OSBPL6: variants seen among roughly 807,000 people sequenced by gnomAD.
OSBPL6 encodes the protein oxysterol-binding protein-related protein 6.
OSBPL6 carries 49 observed loss-of-function variants against 125.8 expected under a neutral mutation model. The ratio of observed to expected loss-of-function variants is 0.39; its 90% CI spans 0.31 to 0.49. OSBPL6 has a LOEUF of 0.49. Ranked by LOEUF, OSBPL6 falls within the 20% of genes least tolerant of loss-of-function variation. The pLI is 0.88. For missense variants in OSBPL6, 986 were observed against 1,135.4 expected, an observed-to-expected ratio of 0.87 and a Z score of 1.89; for synonymous variants, 394 against 391.8, an observed-to-expected ratio of 1.01 and a Z score of -0.07.
intron 9 of OSBPL6, among the ~76,000 whole-genome samples, chr2:178,338,166 C>G (rs954935400): frequency 1.3e-5 from 2 of 152,088 alleles, no homozygotes; most frequent in African/African-American, 4.8e-5. Flanking sequence ...CTCCTGACCT[C>G]AGGTCATCCT....
At chr2:178,217,893 A>G (rs575192049) in intron 1 of OSBPL6, among the ~76,000 whole-genome samples, 26 of 152,188 alleles carry the variant, frequency 1.7e-4, no homozygotes, top group Admixed American at 3.3e-4. Flanking sequence ...AAAGGAAAAT[A>G]ATTTGGGGCT....
chr2:178,383,329 C>A (rs764424035), intron 17 of OSBPL6, 52 bp downstream of exon 17: 38 of 1,580,766 alleles, frequency 2.4e-5, no homozygotes, highest in Admixed American at 5.4e-5. Flanking sequence ...CAACCCTAGA[C>A]CTGGGCTAAG....
In OSBPL6 at chr2:178,349,303, C is replaced by T. The variant is rs763334246; in HGVS notation, c.1067C>T (p.Thr356Ile). 3 of 1,614,120 alleles carry T rather than the reference C, an allele frequency of 1.9e-6. No individual in the cohort carries two copies. The highest frequency in any genetic ancestry group is 1.1e-5 in the South Asian group (1 of 91,082). Residue 356 changes from threonine (T) to isoleucine (I), a missense_variant, in exon 12 of 25, where the codon ACT becomes ATT. Physicochemically the swap from Thr to Ile is moderately conservative, Grantham distance 89. Coordinates refer to ENST00000190611, the MANE Select transcript of OSBPL6 (RefSeq NM_032523.4). The part of the protein sequence containing the change: ...PNLCADIEFQ[T>I]PPSHLTDPLE... Reference sequence around the variant, plus strand: ...CTTTGTGCAGATATTGAATTTCAGACTCCCCCTAGCCACCTCACTGACCCT... The same window carrying T: ...CTTTGTGCAGATATTGAATTTCAGATTCCCCCTAGCCACCTCACTGACCCT...
At chr2:178,288,285 A>G (rs4894006) in intron 2 of OSBPL6, among the ~76,000 whole-genome samples, 19,511 of 152,184 alleles carry the variant, frequency 0.13, 1,439 homozygotes, top group Admixed American at 0.21. Context: ...GCAGGCCAGT[A>G]GCCACCTCCT....
chr2:178,301,472 G>A (rs978063868), intron 2 of OSBPL6, among the ~76,000 whole-genome samples: 7 of 152,148 alleles, frequency 4.6e-5, no homozygotes, highest in Non-Finnish European at 8.8e-5. Flanking sequence ...AAACCATACT[G>A]CAGATAGTGT....
At chr2:178,226,064 T>C (rs1327995409) in intron 1 of OSBPL6, among the ~76,000 whole-genome samples, 2 of 152,178 alleles carry the variant, frequency 1.3e-5, no homozygotes, top group Non-Finnish European at 2.9e-5. Context: ...ATACCTTTTC[T>C]GGGCCATAAG....
At chr2:178,239,437 G>A (rs2091196098) in intron 1 of OSBPL6, among the ~76,000 whole-genome samples, 1 of 151,964 alleles carries the variant, frequency 6.6e-6, no homozygotes, top group African/African-American at 2.4e-5. Context: ...GCACATGCCT[G>A]CAGTCCCAGC....
intron 11 of OSBPL6, 67 bp downstream of exon 11, chr2:178,339,831 A>G: frequency 8.6e-7 from 1 of 1,163,094 alleles, no homozygotes; most frequent in South Asian, 1.8e-5. Flanking sequence ...TTTATACATC[A>G]GTTTATGGGC....
intron 1 of OSBPL6, among the ~76,000 whole-genome samples, chr2:178,267,325 G>C (rs2092262166): frequency 1.5e-5 from 2 of 133,636 alleles, no homozygotes; most frequent in African/African-American, 2.9e-5. Context: ...CTGCACTCCA[G>C]CCTGGGTGAC....
intron 13 of OSBPL6, among the ~76,000 whole-genome samples, chr2:178,371,001 A>G (rs1335324218): frequency 6.6e-6 from 1 of 152,226 alleles, no homozygotes. Flanking sequence ...TAATAGGTAC[A>G]GAGTTGTAAT....
At position 178,383,066 on chromosome 2, in the gene OSBPL6, G is replaced by A. The variant is rs370636856; in HGVS notation, c.1664G>A (p.Arg555His). The A allele has an allele frequency of 5.9e-5, 95 of 1,614,042 alleles. 1 individual carries two copies. The highest frequency in any genetic ancestry group is 1.2e-4 in the South Asian group (11 of 91,092). ...ACAGGAGGGGCCTTCCGAAATGGGC[G>A]TCGAGCATGCCTGCCAGCTCCTTGT... ...ELTGGAFRNG[R>H]RACLPAPCPD... is the part of the protein sequence containing the mutation. The change falls in exon 17 of 25, where the codon CGT (arginine) becomes CAT (histidine). Residue 555 changes from arginine (R) to histidine (H), a missense_variant. Arg to His is a conservative substitution (Grantham distance 29). This residue lies in a region of OSBPL6 where 843 missense variants were observed against 997.3 expected (regional missense o/e 0.85). Coordinates refer to ENST00000190611, the MANE Select transcript of OSBPL6 (RefSeq NM_032523.4).
At chr2:178,344,096 A>G (rs1690473435) in intron 11 of OSBPL6, among the ~76,000 whole-genome samples, 1 of 152,210 alleles carries the variant, frequency 6.6e-6, no homozygotes, top group South Asian at 2.1e-4. Context: ...CAGATGTTTG[A>G]GTAATGAGAA....
chr2:178,329,670 C>T lies in OSBPL6; in HGVS notation c.318+1292C>T, dbSNP rs192477499. ...TCAAACTCCTGACCTCATGATCTGC[C>T]TGCCTCGGCCTCCCAAAGTGCTGGG... On this transcript the variant is annotated intron_variant, in intron 5 of 24. Transcript: ENST00000190611. Among the ~76,000 whole-genome samples, 778 of 152,268 alleles carry T rather than the reference C, an allele frequency of 5.1e-3. 7 individuals are homozygous for T. Among genetic ancestry groups the T allele is most frequent in the African/African-American group, 0.018 (736 of 41,544 alleles).
At chr2:178,303,032 A>G (rs1686439549) in intron 2 of OSBPL6, among the ~76,000 whole-genome samples, 1 of 152,212 alleles carries the variant, frequency 6.6e-6, no homozygotes, top group Non-Finnish European at 1.5e-5. Flanking sequence ...CAAGGATCCG[A>G]GCAGTGTCTG....
chr2:178,315,242 C>T (rs1198057081), intron 3 of OSBPL6, among the ~76,000 whole-genome samples: 2 of 152,178 alleles, frequency 1.3e-5, no homozygotes, highest in East Asian at 3.9e-4. Flanking sequence ...CCACAGCTTT[C>T]TTGGCATCGC....
intron 1 of OSBPL6, among the ~76,000 whole-genome samples, chr2:178,225,238 C>T (rs1252136493): frequency 7.0e-6 from 1 of 142,110 alleles, no homozygotes; most frequent in Non-Finnish European, 1.5e-5. Context: ...GTGCCCATTA[C>T]TTTAAAAAAA....
At chr2:178,346,095 A>G (rs531015704) in intron 11 of OSBPL6, among the ~76,000 whole-genome samples, 1 of 152,344 alleles carries the variant, frequency 6.6e-6, no homozygotes, top group East Asian at 1.9e-4. Context: ...CTTTGTCTCC[A>G]TACCAAAATG....
intron 15 of OSBPL6, among the ~76,000 whole-genome samples, chr2:178,380,531 T>C (rs537999389): frequency 2.7e-5 from 4 of 146,476 alleles, no homozygotes; most frequent in African/African-American, 5.1e-5. Context: ...AGATGGATAG[T>C]GTAAAGTGTT....
chr2:178,363,787 TTTTTTA>T (rs1692568053), intron 13 of OSBPL6, among the ~76,000 whole-genome samples: 2 of 152,366 alleles, frequency 1.3e-5, no homozygotes, highest in South Asian at 2.1e-4. Flanking sequence ...TTTTGTTGGA[TTTTTTA>T]TTTTTATTTT....
Sources: allele counts gnomAD v4.1 joint callset (sites outside exome capture counted in the v4.1 genomes callset), GRCh38; gene constraint gnomAD v4.1.1; regional missense constraint gnomAD v4.1.1; transcripts MANE v1.5; gene names NCBI Gene and HGNC (gene_info 2026-07-23, HGNC 2026-07-21).